The following PCDHGB7 variants were observed in gnomAD, a reference collection of about 807,000 sequenced individuals.
PCDHGB7 encodes the protein protocadherin gamma-B7.
A neutral mutation model predicts 61.4 loss-of-function variants in PCDHGB7; 37 were observed. That is an observed-to-expected ratio of 0.60 (90% CI 0.46 to 0.79). The LOEUF (loss-of-function observed/expected upper bound fraction) is 0.79. Ranked by LOEUF, PCDHGB7 falls within the 30% of genes least tolerant of loss-of-function variation. The pLI, the probability that PCDHGB7 is intolerant of heterozygous loss-of-function variation, is 0.00. For missense variants in PCDHGB7, 1,166 were observed against 1,202.5 expected, an observed-to-expected ratio of 0.97 and a Z score of 0.45; for synonymous variants, 464 against 503.5, an observed-to-expected ratio of 0.92 and a Z score of 1.05.
Position 141,476,373 on chromosome 5 carries a change from T to C in PCDHGB7, c.2416-18434T>C. 1 of 1,614,054 alleles carries C rather than the reference T, an allele frequency of 6.2e-7. No individual in the cohort carries two copies. Among genetic ancestry groups the C allele is most frequent in the Non-Finnish European group, 8.5e-7 (1 of 1,180,020 alleles). On this transcript the variant is annotated intron_variant, in intron 1 of 3. Transcript: ENST00000398594. This position sits in a 1 kb window ranked among gnomAD's most constrained non-coding sequence, Gnocchi z 7.6. ...GAGGTGAACCGGGAGACCGGAGAGA[T>C]GTTTGTGAACGACCGTCTGGATCGA...
At chr5:141,502,708 A>G (rs1172090234) in intron 2 of PCDHGB7, among the ~76,000 whole-genome samples, 1 of 152,204 alleles carries the variant, frequency 6.6e-6, no homozygotes, top group Non-Finnish European at 1.5e-5. Flanking sequence ...CTGTTTTTAC[A>G]TCAGTGATTA....
At chr5:141,481,465 T>C (rs561789315) in intron 1 of PCDHGB7, among the ~76,000 whole-genome samples, 2 of 152,334 alleles carry the variant, frequency 1.3e-5, no homozygotes, top group South Asian at 2.1e-4. Context: ...CTGAAAACCA[T>C]TGGATTATAC....
intron 3 of PCDHGB7, chr5:141,507,274 C>T (rs1000866082): frequency 1.3e-5 from 2 of 151,532 alleles, no homozygotes; most frequent in Non-Finnish European, 2.9e-5. Context: ...ACTATTTCAG[C>T]ATAAGTCAGT....
intron 1 of PCDHGB7, chr5:141,433,307 C>T (rs982853368): frequency 2.2e-6 from 2 of 913,640 alleles, no homozygotes; most frequent in Admixed American, 2.7e-5. Context: ...AATTATCCCA[C>T]CTTTGCCTCC....
Position 141,511,212 on chromosome 5 carries a change from C to T in PCDHGB7, c.*39C>T. ...CCAAGAGCCACAGGGCGGCCTCTCC[C>T]CAACCAGCCCAGCTTCTCCTTACCT... is the stretch of plus-strand genomic sequence containing the variant. On this transcript the variant is annotated 3_prime_UTR_variant, in exon 4 of 4. Coordinates refer to ENST00000398594, the MANE Select transcript of PCDHGB7 (RefSeq NM_018927.4). 6.2e-7 allele frequency: 1 copy of T among 1,608,656 alleles called. No individual in the cohort carries two copies. Among genetic ancestry groups the T allele is most frequent in the Non-Finnish European group, 8.5e-7 (1 of 1,177,502 alleles).
chr5:141,498,726 G>T (rs2099785379), intron 2 of PCDHGB7, among the ~76,000 whole-genome samples: 1 of 152,172 alleles, frequency 6.6e-6, no homozygotes, highest in Admixed American at 6.5e-5. Context: ...GAGGTCAGGA[G>T]TTTGAGACCA....
intron 1 of PCDHGB7, chr5:141,422,258 A>G (rs2096637047): frequency 6.4e-7 from 1 of 1,565,282 alleles, no homozygotes; most frequent in East Asian, 2.2e-5. Flanking sequence ...GTGAATGATA[A>G]CGCTCCAGAA....
Position 141,477,256 on chromosome 5 carries a change from T to G in PCDHGB7, c.2416-17551T>G. 2 of 1,614,210 alleles carry G rather than the reference T, an allele frequency of 1.2e-6. No homozygotes were observed. The highest frequency in any genetic ancestry group is 1.7e-6 in the Non-Finnish European group (2 of 1,180,038). On this transcript the variant is annotated intron_variant, in intron 1 of 3. Coordinates refer to ENST00000398594, the MANE Select transcript of PCDHGB7 (RefSeq NM_018927.4). This position sits in a 1 kb window ranked among gnomAD's most constrained non-coding sequence, Gnocchi z 4.9. Reference sequence around the variant, plus strand: ...CTTTGCTCAGTGTGACTGACCTGGATGCTGGCGAGAACGGGCTGGTGACCT... The same window carrying G: ...CTTTGCTCAGTGTGACTGACCTGGAGGCTGGCGAGAACGGGCTGGTGACCT...
intron 1 of PCDHGB7, among the ~76,000 whole-genome samples, chr5:141,444,558 T>C (rs2098440789): frequency 6.6e-6 from 1 of 152,190 alleles, no homozygotes; most frequent in African/African-American, 2.4e-5. Context: ...AAGGCACTTA[T>C]TTGACACTTT....
At chr5:141,454,796 ATTTTTTTTTTTTTTTT>A (rs61612330) in intron 1 of PCDHGB7, among the ~76,000 whole-genome samples, 1 of 77,408 alleles carries the variant, frequency 1.3e-5, no homozygotes, top group East Asian at 4.0e-4. Flanking sequence ...CATGGTTCTA[ATTTTTTTTTTTTTTTT>A]TTTTTTTTTT....
Position 141,431,205 on chromosome 5 carries a change from A to T in PCDHGB7, c.2415+10931A>T, listed in dbSNP as rs1438031040. ...AAAATTAGTGAAAATGCAGCCACTG[A>T]GATGCGGTTCCCTCTACCCCACGCC... On this transcript the variant is annotated intron_variant, in intron 1 of 3. Transcript: ENST00000398594. This position sits in a 1 kb window ranked among gnomAD's most constrained non-coding sequence, Gnocchi z 4.8. 1.1e-5 allele frequency: 18 copies of T among 1,614,092 alleles called. No homozygotes were observed. Among genetic ancestry groups the T allele is most frequent in the Non-Finnish European group, 1.5e-5 (18 of 1,180,056 alleles).
At chr5:141,475,955 C>G (rs1562050812) in intron 1 of PCDHGB7, 8 of 800,218 alleles carry the variant, frequency 1.0e-5, no homozygotes, top group South Asian at 1.9e-5. Flanking sequence ...TTCTGCGCCC[C>G]GGGATGAGGC....
intron 1 of PCDHGB7, among the ~76,000 whole-genome samples, chr5:141,465,443 C>T (rs979024871): frequency 6.6e-6 from 1 of 152,158 alleles, no homozygotes; most frequent in Non-Finnish European, 1.5e-5. Flanking sequence ...AATGATTACC[C>T]AAGAAAACTC....
chr5:141,476,061 C>T lies in PCDHGB7; in HGVS notation c.2416-18746C>T. On this transcript the variant is annotated intron_variant, in intron 1 of 3. Coordinates refer to ENST00000398594, the MANE Select transcript of PCDHGB7 (RefSeq NM_018927.4). The surrounding 1 kb of genome is among the most constrained non-coding windows in gnomAD (Gnocchi z 7.6). Reference sequence around the variant, plus strand: ...AAGCGCTAACCCGCTGAAAGTTTCTCAGCGAAATCTCAGGGACGATCTGGA... The same window carrying T: ...AAGCGCTAACCCGCTGAAAGTTTCTTAGCGAAATCTCAGGGACGATCTGGA... The T allele has an allele frequency of 6.6e-7, 1 of 1,508,880 alleles. No homozygotes were observed. Among genetic ancestry groups the T allele is most frequent in the Non-Finnish European group, 8.8e-7 (1 of 1,136,354 alleles). 93.5% of individuals were successfully genotyped at this position (1,508,880 alleles called of 1,614,324 possible).
At chr5:141,478,074 A>G in intron 1 of PCDHGB7, 1 of 1,614,090 alleles carries the variant, frequency 6.2e-7, no homozygotes, top group Non-Finnish European at 8.5e-7. Context: ...GACAATGGGG[A>G]GCCTTCGCTC....
At chr5:141,478,570 G>T (rs1255499966) in intron 1 of PCDHGB7, 1 of 1,590,156 alleles carries the variant, frequency 6.3e-7, no homozygotes, top group Admixed American at 1.8e-5. Context: ...AGTCATGCTT[G>T]ACCCTGTTAG....
chr5:141,463,364 T>C (rs1166107031), intron 1 of PCDHGB7, among the ~76,000 whole-genome samples: 2 of 150,250 alleles, frequency 1.3e-5, no homozygotes, highest in Admixed American at 6.6e-5. Context: ...TCCCCTTTCC[T>C]GCCCCACAGT....
chr5:141,449,263 AC>A (rs1308401244), intron 1 of PCDHGB7, among the ~76,000 whole-genome samples: 3 of 152,152 alleles, frequency 2.0e-5, no homozygotes, highest in African/African-American at 7.2e-5. Flanking sequence ...TGTACAAAGA[AC>A]TGTATCTCCT....
At chr5:141,447,082 T>C (rs1259827606) in intron 1 of PCDHGB7, among the ~76,000 whole-genome samples, 3 of 152,156 alleles carry the variant, frequency 2.0e-5, no homozygotes, top group Non-Finnish European at 2.9e-5. Context: ...ATTTTTGTTG[T>C]TTAATTTTCT....
Sources: gnomAD v4.1 joint callset for allele counts (sites outside exome capture counted in the v4.1 genomes callset) on GRCh38, gnomAD v4.1.1 for gene constraint, Gnocchi (gnomAD v3.1) non-coding constraint, MANE v1.5 for transcripts, NCBI Gene and HGNC (gene_info 2026-07-23, HGNC 2026-07-21) for gene names.